The following TTN variants were observed in gnomAD, a reference collection of about 807,000 sequenced individuals.
The protein encoded by TTN is titin.
TTN carries 1,525 observed loss-of-function variants against 3,223.0 expected under a neutral mutation model. That is an observed-to-expected ratio of 0.47 (90% confidence interval 0.45 to 0.49). TTN has a LOEUF of 0.49. TTN is among the 20% of genes least tolerant of loss of function. The pLI, the probability that TTN is intolerant of heterozygous loss-of-function variation, is 0.00. For missense variants in TTN, 40,786 were observed against 43,424.0 expected (o/e 0.94, Z 5.40); for synonymous variants, 14,094 against 15,161.0 (o/e 0.93, Z 5.17).
rs755301020 is a variant in TTN, at chr2:178,619,830, T to A, written c.46487A>T (p.Asp15496Val). The change falls in exon 250 of 363, where the codon GAT becomes GTT. Residue 15496 changes from aspartate (D) to valine (V), a missense_variant. Asp to Val is a radical substitution (Grantham distance 152, BLOSUM62 -3). Transcript: ENST00000589042. ...PQDILEAPGADVVFLAELNKD... is the reference protein window; with the variant it reads ...PQDILEAPGAVVVFLAELNKD... Reference sequence around the variant, plus strand: ...ATTGAGTTCTGCTAAAAAGACAACATCAGCACCAGGGGCTTCAAGAATATC... The same window carrying A: ...ATTGAGTTCTGCTAAAAAGACAACAACAGCACCAGGGGCTTCAAGAATATC... 2 of 1,612,210 alleles carry A rather than the reference T, an allele frequency of 1.2e-6. No individual in the cohort carries two copies. Among genetic ancestry groups the A allele is most frequent in the Non-Finnish European group, 1.7e-6 (2 of 1,178,920 alleles).
Position 178,738,270 on chromosome 2 carries a change from T to G in TTN, c.14183A>C (p.Asn4728Thr). 6.2e-7 allele frequency: 1 copy of G among 1,613,630 alleles called. No individual in the cohort carries two copies. Among genetic ancestry groups the G allele is most frequent in the Non-Finnish European group, 8.5e-7 (1 of 1,179,736 alleles). The change falls in exon 49 of 363, where the codon AAT becomes ACT. Residue 4728 changes from asparagine (N) to threonine (T), a missense_variant. By Grantham distance (65) the Asn-to-Thr change is moderately conservative. Transcript: ENST00000589042. Reference sequence around the variant, plus strand: ...AGCTTTAAACCACTGGAACCGGACATTGGGAGCACTTTGGATCTCACAGGT... The same window carrying G: ...AGCTTTAAACCACTGGAACCGGACAGTGGGAGCACTTTGGATCTCACAGGT... ...KFTCEIQSAP[N>T]VRFQWFKAGR...
chr2:178,548,151 A>C lies in TTN; in HGVS notation c.93475T>G (p.Phe31159Val). The change falls in exon 339 of 363, where the codon TTC (phenylalanine) becomes GTC (valine). Residue 31159 changes from phenylalanine to valine, a missense_variant. Physicochemically the swap from Phe to Val is conservative, Grantham distance 50 (BLOSUM62 -1). Coordinates refer to ENST00000589042, the MANE Select transcript of TTN (RefSeq NM_001267550.2). This position sits in a 1 kb window ranked among gnomAD's most constrained non-coding sequence, Gnocchi z 4.3. ...LLEMRQKGSD[F>V]WVEAGHTKQL... ...TTGGTGTGACCAGCTTCAACCCAGAAGTCAGATCCCTTTTGTCTCATTTCA... is the reference window on the plus strand; with the variant it reads ...TTGGTGTGACCAGCTTCAACCCAGACGTCAGATCCCTTTTGTCTCATTTCA... The C allele has an allele frequency of 6.2e-7, 1 of 1,613,880 alleles. No individual in the cohort carries two copies. The highest frequency in any genetic ancestry group is 8.5e-7 in the Non-Finnish European group (1 of 1,179,820).
chr2:178,755,742 TC>T (rs1413022185), intron 46 of TTN, among the ~76,000 whole-genome samples: 1 of 152,116 alleles, frequency 6.6e-6, no homozygotes, highest in Non-Finnish European at 1.5e-5. Flanking sequence ...CTGTACTTGG[TC>T]CCAATTTTCT....
chr2:178,591,552 A>G, intron 303 of TTN, 47 bp downstream of exon 303: 1 of 1,588,442 alleles, frequency 6.3e-7, no homozygotes, highest in Non-Finnish European at 8.5e-7. Flanking sequence ...CACCTATATG[A>G]ATAATTTTAA....
At position 178,712,472 on chromosome 2, in the gene TTN, T is replaced by C. The variant is rs1553891488; in HGVS notation, c.27450A>G (p.Ile9150Met). ...PISVTWKKNG[I>M]NVTPSQRCNI... The stretch of plus-strand genomic sequence containing the variant: ...TACACCTCTGAGAAGGAGTTACATT[T>C]ATGCCATTTTTCTTCCAGGTAACCG... The change falls in exon 95 of 363, where the codon ATA (isoleucine) becomes ATG (methionine). Residue 9150 changes from isoleucine (I) to methionine (M), a missense_variant. By Grantham distance (10) the Ile-to-Met change is conservative. Transcript: ENST00000589042. The C allele has an allele frequency of 6.2e-7, 1 of 1,613,690 alleles. No individual in the cohort carries two copies. Among genetic ancestry groups the C allele is most frequent in the Non-Finnish European group, 8.5e-7 (1 of 1,179,790 alleles).
chr2:178,628,055 T>G (rs1289136651), intron 240 of TTN, among the ~76,000 whole-genome samples: 1 of 152,064 alleles, frequency 6.6e-6, no homozygotes, highest in Non-Finnish European at 1.5e-5. Context: ...ATGCTACAAA[T>G]GGAATGTACT....
Position 178,733,056 on chromosome 2 carries a change from A to G in TTN, c.16120T>C (p.Cys5374Arg), listed in dbSNP as rs2080832566. 1 of 1,612,790 alleles carries G rather than the reference A, an allele frequency of 6.2e-7. No homozygotes were observed. The highest frequency in any genetic ancestry group is 8.5e-7 in the Non-Finnish European group (1 of 1,179,266). Residue 5374 changes from cysteine (C) to arginine (R), a missense_variant, in exon 55 of 363, where the codon TGC (cysteine) becomes CGC (arginine). Cys to Arg is a radical substitution (Grantham distance 180). Coordinates refer to ENST00000589042, the MANE Select transcript of TTN (RefSeq NM_001267550.2). ...CCTGCAATTTTGCAGTCCAGTCTGC[A>G]GGTACCATTAACAACACTATCCACG... ...RNVDSVVNGT[C>R]RLDCKIAGSL...
chr2:178,785,479 GC>G, intron 15 of TTN, 140 bp downstream of exon 15: 1 of 1,247,314 alleles, frequency 8.0e-7, no homozygotes, highest in East Asian at 2.5e-5. Flanking sequence ...GGGTGTCTGG[GC>G]CCACTGTGAA....
chr2:178,747,675 A>T (rs1310759495), intron 47 of TTN: 14 of 1,612,926 alleles, frequency 8.7e-6, no homozygotes, highest in Non-Finnish European at 1.2e-5. Context: ...GCAGCAAGTA[A>T]ATATTGTGTT....
At chr2:178,748,566 C>T in intron 47 of TTN, 1 of 1,613,026 alleles carries the variant, frequency 6.2e-7, no homozygotes, top group Non-Finnish European at 8.5e-7. Context: ...ACAATGTTCT[C>T]AGTGTCAGCA....
rs1326890729 is a variant in TTN at position 178,734,604 on chromosome 2, G to T, written c.15220C>A (p.Pro5074Thr). ...SCSTEIVIKE[P>T]PSFIKTLEPA... ...TCAAGAGTTTTGATGAAAGAAGGAG[G>T]TTCTACAAAAGCATGAAAGCATTGT... Residue 5074 changes from proline to threonine, a missense_variant and splice_region_variant, in exon 52 of 363, where the codon CCT becomes ACT. Pro to Thr is a conservative substitution (Grantham distance 38). Transcript: ENST00000589042. 4 of 1,564,062 alleles carry T rather than the reference G, an allele frequency of 2.6e-6. No individual in the cohort carries two copies. Among genetic ancestry groups the T allele is most frequent in the Non-Finnish European group, 2.6e-6 (3 of 1,156,338 alleles).
At chr2:178,734,266 C>G in intron 52 of TTN, 62 bp downstream of exon 52, 2 of 1,482,926 alleles carry the variant, frequency 1.3e-6, no homozygotes, top group Non-Finnish European at 1.8e-6. Context: ...GTTTTTCTTC[C>G]ATGGGGTAAG....
rs764696657 is a variant in TTN at position 178,572,815 on chromosome 2, A to G, written c.73317T>C (p.Thr24439=). The G allele has an allele frequency of 1.2e-6, 2 of 1,613,428 alleles. No homozygotes were observed. Among genetic ancestry groups the G allele is most frequent in the East Asian group, 2.2e-5 (1 of 44,784 alleles). Residue 24439 remains threonine, a synonymous_variant, in exon 326 of 363, where the codon ACT becomes ACC. Transcript: ENST00000589042. ...GTCTCAGGGTGCAGCAGGCCCTTAT[A>G]GTAACAACTTTGCGCAGGTCAGCAT... ...ELDADLRKVV[T]IRACCTLRLF...
Position 178,728,727 on chromosome 2 carries a change from T to A in TTN, c.19199A>T (p.Asp6400Val). The A allele has an allele frequency of 6.2e-7, 1 of 1,610,546 alleles. No individual in the cohort carries two copies. Among genetic ancestry groups the A allele is most frequent in the Non-Finnish European group, 8.5e-7 (1 of 1,177,100 alleles). Residue 6400 changes from aspartate (D) to valine (V), a missense_variant, in exon 66 of 363, where the codon GAT becomes GTT. Asp to Val is a radical substitution (Grantham distance 152). Coordinates refer to ENST00000589042, the MANE Select transcript of TTN (RefSeq NM_001267550.2). ...KAKSVDVTEK[D>V]PMTLECVVAG... ...CACAACACATTCCAAGGTCATGGGA[T>A]CTTTCTCCGTAACATCAACTGATTT...
chr2:178,776,608 ACGGAGC>A lies in TTN; in HGVS notation c.5250_5255del (p.Arg1750_Arg1752delinsSer), dbSNP rs1489138479. On this transcript the variant is annotated inframe_deletion, in exon 28 of 363. Coordinates refer to ENST00000589042, the MANE Select transcript of TTN (RefSeq NM_001267550.2). ...TGCAGTACCCAAATTCATTGATCAT[ACGGAGC>A]CTGTTGGCTGCTTCAAGTGGCTTTC... 8 of 1,614,120 alleles carry A rather than the reference ACGGAGC, an allele frequency of 5.0e-6. No homozygotes were observed. Among genetic ancestry groups the A allele is most frequent in the Non-Finnish European group, 6.8e-6 (8 of 1,180,008 alleles).
At position 178,702,055 on chromosome 2, in the gene TTN, C is replaced by T. The variant is rs745864904; in HGVS notation, c.30523G>A (p.Glu10175Lys). 9 of 1,610,484 alleles carry T rather than the reference C, an allele frequency of 5.6e-6. No homozygotes were observed. Among genetic ancestry groups the T allele is most frequent in the Non-Finnish European group, 7.6e-6 (9 of 1,178,438 alleles). ...LYLTTKEIKL[E>K]LKPPDIPDSR... ...AACAACTTACCAGGAGGCTTCAGCT[C>T]AAGTTTGATTTCTGCAAAATAAAAA... is the stretch of plus-strand genomic sequence containing the variant. The change falls in exon 109 of 363, where the codon GAG (glutamate) becomes AAG (lysine). Residue 10175 changes from glutamate (E) to lysine (K), a missense_variant. Glu to Lys is a moderately conservative substitution (Grantham distance 56). Coordinates refer to ENST00000589042, the MANE Select transcript of TTN (RefSeq NM_001267550.2).
In TTN at chr2:178,617,399, T is replaced by C; in HGVS notation, c.47686A>G (p.Ile15896Val). 6.3e-7 allele frequency: 1 copy of C among 1,591,888 alleles called. No individual in the cohort carries two copies. The highest frequency in any genetic ancestry group is 8.5e-7 in the Non-Finnish European group (1 of 1,171,764). The change falls in exon 254 of 363, where the codon ATT becomes GTT. Residue 15896 changes from isoleucine (I) to valine (V), a missense_variant. By Grantham distance (29) the Ile-to-Val change is conservative. Transcript: ENST00000589042. ...DGGSPILGYIIERCEEGKDNW... is the reference protein window; with the variant it reads ...DGGSPILGYIVERCEEGKDNW... ...TCTTTTCCTTCTTCGCATCGCTCAA[T>C]TATATAGCCTAATATTGGGCTTCCT...
In TTN at chr2:178,739,766, T is replaced by TGTTAGGATGTCTATTTCCTC; in HGVS notation, c.13447_13466dup (p.Ala4490ArgfsTer3). The stretch of plus-strand genomic sequence containing the variant: ...CTTGCTGAATTCTAGGACCCTCAGC[T>TGTTAGGATGTCTATTTCCTC]GTTAGGATGTCTATTTCCTCATATA... On this transcript the variant is annotated stop_gained and frameshift_variant, in exon 48 of 363. Transcript: ENST00000589042. LOFTEE classifies it high-confidence loss of function. 6.2e-7 allele frequency: 1 copy of TGTTAGGATGTCTATTTCCTC among 1,613,902 alleles called. No homozygotes were observed. Among genetic ancestry groups the TGTTAGGATGTCTATTTCCTC allele is most frequent in the South Asian group, 1.1e-5 (1 of 91,080 alleles).
In TTN at chr2:178,732,144, C is replaced by T. The variant is rs374682077; in HGVS notation, c.16825G>A (p.Glu5609Lys). 2.0e-5 allele frequency: 33 copies of T among 1,613,754 alleles called. No individual in the cohort carries two copies. The highest frequency in any genetic ancestry group is 1.7e-4 in the African/African-American group (13 of 75,030). The change falls in exon 57 of 363, where the codon GAA becomes AAA. Residue 5609 changes from glutamate (E) to lysine (K), a missense_variant. Coordinates refer to ENST00000589042, the MANE Select transcript of TTN (RefSeq NM_001267550.2). Reference protein sequence around the residue: ...AVLRLTDVGIEDSGEYMCEAQ... With the variant: ...AVLRLTDVGIKDSGEYMCEAQ... ...TCACACATATATTCACCACTGTCTTCGATGCCAACATCTGTCAGTCTTAGA... is the reference window on the plus strand; with the variant it reads ...TCACACATATATTCACCACTGTCTTTGATGCCAACATCTGTCAGTCTTAGA...
Sources: gnomAD v4.1 joint callset for allele counts (sites outside exome capture counted in the v4.1 genomes callset) on GRCh38, gnomAD v4.1.1 for gene constraint, Gnocchi (gnomAD v3.1) non-coding constraint, MANE v1.5 for transcripts, NCBI Gene and HGNC (gene_info 2026-07-23, HGNC 2026-07-21) for gene names.